TMTC3: variants seen among roughly 807,000 people sequenced by gnomAD.
The protein encoded by TMTC3 is transmembrane O-mannosyltransferase targeting cadherins 3.
Under a neutral mutation model 92.2 loss-of-function variants are expected in TMTC3, and 52 were observed. That is an observed-to-expected ratio of 0.56 (90% CI 0.45 to 0.71). The LOEUF is 0.71. TMTC3 is among the 30% of genes least tolerant of loss of function. The pLI is 0.00. For synonymous variants in TMTC3, 339 were observed against 363.3 expected (o/e 0.93, Z 0.76); for missense variants, 896 against 1,057.1 (o/e 0.85, Z 2.11).
At chr12:88,148,579 C>T (rs1424093370) in intron 2 of TMTC3, 75 bp downstream of exon 2, 13 of 1,099,646 alleles carry the variant, frequency 1.2e-5, no homozygotes, top group Admixed American at 2.6e-5. Flanking sequence ...ACTTCTAATT[C>T]TTTATCAACA....
chr12:88,179,751 A>G (rs1354140281), intron 10 of TMTC3, among the ~76,000 whole-genome samples: 1 of 152,106 alleles, frequency 6.6e-6, no homozygotes, highest in Non-Finnish European at 1.5e-5. Context: ...TTTATTTAAT[A>G]CAGATTTAAT....
intron 9 of TMTC3, 102 bp downstream of exon 9, chr12:88,174,829 C>A: frequency 7.3e-7 from 1 of 1,376,626 alleles, no homozygotes; most frequent in Non-Finnish European, 1.0e-6. Context: ...ATTTAACAGT[C>A]AATATTAAGT....
At position 88,153,515 on chromosome 12, in the gene TMTC3, TA is replaced by T; in HGVS notation, c.408+10del. ...ACCCAATACACACAGAAGCAGTAAG[TA>T]AAACTATGAACTGACTTTTTTTCTT... On this transcript the variant is annotated splice_region_variant and intron_variant, in intron 3 of 13. Transcript: ENST00000266712. 6.5e-7 allele frequency: 1 copy of T among 1,546,796 alleles called. No individual in the cohort carries two copies.
intron 10 of TMTC3, among the ~76,000 whole-genome samples, chr12:88,182,657 G>T (rs892234498): frequency 1.3e-5 from 2 of 152,268 alleles, no homozygotes; most frequent in African/African-American, 4.8e-5. Flanking sequence ...AAACTTAAAA[G>T]TACTGGCTCC....
chr12:88,167,669 T>C (rs573276805), intron 7 of TMTC3, among the ~76,000 whole-genome samples: 27 of 152,328 alleles, frequency 1.8e-4, no homozygotes, highest in African/African-American at 6.5e-4. Context: ...ACTTACATTC[T>C]AGAGAAATTT....
chr12:88,191,057 A>T lies in TMTC3; in HGVS notation c.1706+435A>T, dbSNP rs564660031. On this transcript the variant is annotated intron_variant, in intron 12 of 13. Coordinates refer to ENST00000266712, the MANE Select transcript of TMTC3 (RefSeq NM_181783.4). ...AAACATCTTGGTTCTCAGCAAAAAA[A>T]AAAGTTTTCTGGCACCACATGTTAA... 4.2e-3 allele frequency among the ~76,000 whole-genome samples: 647 copies of T among 152,314 alleles called. 3 individuals are homozygous for T. Among genetic ancestry groups the T allele is most frequent in the African/African-American group, 0.015 (625 of 41,574 alleles).
At position 88,174,478 on chromosome 12, in the gene TMTC3, T is replaced by A. The variant is rs1029413748; in HGVS notation, c.1200-129T>A. ...CTCTAAAGTTGGGTGTTCATTAGAA[T>A]GAATTAGAATAAATTAACATATGAT... On this transcript the variant is annotated intron_variant, in intron 8 of 13. Coordinates refer to ENST00000266712, the MANE Select transcript of TMTC3 (RefSeq NM_181783.4). 1.6e-5 allele frequency: 17 copies of A among 1,095,098 alleles called. No homozygotes were observed. In the African/African-American group the frequency reaches 2.4e-4, roughly 15 times the overall value. The allele number at this position is 1,095,098 out of a possible 1,614,324, so 67.8% of individuals were successfully genotyped here.
At chr12:88,146,611 G>GTATATATA (rs1555231456) in intron 1 of TMTC3, among the ~76,000 whole-genome samples, 29 of 147,908 alleles carry the variant, frequency 2.0e-4, no homozygotes, top group East Asian at 4.0e-4. Context: ...GTGTGTGTGT[G>GTATATATA]TATATATATA....
At chr12:88,169,136 G>T (rs2041177081) in intron 7 of TMTC3, among the ~76,000 whole-genome samples, 1 of 152,228 alleles carries the variant, frequency 6.6e-6, no homozygotes, top group African/African-American at 2.4e-5. Context: ...AAGCAGTCAA[G>T]AAGAGTGGAA....
chr12:88,179,752 C>G (rs1302330947), intron 10 of TMTC3, among the ~76,000 whole-genome samples: 1 of 152,026 alleles, frequency 6.6e-6, no homozygotes, highest in Non-Finnish European at 1.5e-5. Context: ...TTATTTAATA[C>G]AGATTTAATG....
rs1317116368 is a variant in TMTC3 at position 88,196,293 on chromosome 12, CAT to C, written c.*645_*646del. 1 of 152,430 alleles carries C rather than the reference CAT, an allele frequency of 6.6e-6. No individual in the cohort carries two copies. Among genetic ancestry groups the C allele is most frequent in the Non-Finnish European group, 1.5e-5 (1 of 67,926 alleles). The allele number at this position is 152,430 out of a possible 1,614,324, so 9.4% of individuals were successfully genotyped here. ...ATTTTTAATCAGGTAAAGTTTGACA[CAT>C]GTATAGCTACATACACACATTTTTA... On this transcript the variant is annotated 3_prime_UTR_variant, in exon 14 of 14. Coordinates refer to ENST00000266712, the MANE Select transcript of TMTC3 (RefSeq NM_181783.4).
At chr12:88,184,987 G>T (rs1283141178) in intron 10 of TMTC3, among the ~76,000 whole-genome samples, 2 of 152,194 alleles carry the variant, frequency 1.3e-5, no homozygotes, top group Non-Finnish European at 2.9e-5. Flanking sequence ...GCAGAAAACA[G>T]TGAAGAAAAG....
intron 6 of TMTC3, 58 bp from the exon 7 acceptor site, chr12:88,166,272 A>G (rs1390762655): frequency 2.0e-6 from 3 of 1,491,932 alleles, no homozygotes; most frequent in East Asian, 4.8e-5. Context: ...TTACTTATGT[A>G]AATAATTCTG....
At chr12:88,172,164 A>T (rs1183839509) in intron 7 of TMTC3, among the ~76,000 whole-genome samples, 3 of 152,082 alleles carry the variant, frequency 2.0e-5, no homozygotes, top group Admixed American at 2.0e-4. Flanking sequence ...ATTTACATTT[A>T]TTAAAGTTTT....
intron 7 of TMTC3, among the ~76,000 whole-genome samples, chr12:88,171,088 C>T (rs2041200038): frequency 6.6e-6 from 1 of 152,108 alleles, no homozygotes; most frequent in Non-Finnish European, 1.5e-5. Flanking sequence ...TGCTAAGGTA[C>T]AGTAGTCTGC....
intron 10 of TMTC3, among the ~76,000 whole-genome samples, chr12:88,181,999 G>T (rs1565955387): frequency 6.6e-6 from 1 of 152,236 alleles, no homozygotes; most frequent in Non-Finnish European, 1.5e-5. Context: ...TGCATAATTA[G>T]AGAGTGCTAT....
chr12:88,168,764 G>A (rs888512337), intron 7 of TMTC3, among the ~76,000 whole-genome samples: 1 of 152,174 alleles, frequency 6.6e-6, no homozygotes. Context: ...GGTATGTAAC[G>A]AATAGGGAAG....
At chr12:88,185,238 C>T (rs1296032338) in intron 10 of TMTC3, among the ~76,000 whole-genome samples, 1 of 152,176 alleles carries the variant, frequency 6.6e-6, no homozygotes, top group Non-Finnish European at 1.5e-5. Context: ...CCTCTTACCC[C>T]TTTTCACCCC....
chr12:88,148,294 T>G lies in TMTC3; in HGVS notation c.-22T>G. 6.3e-7 allele frequency: 1 copy of G among 1,577,204 alleles called. No individual in the cohort carries two copies. The highest frequency in any genetic ancestry group is 8.6e-7 in the Non-Finnish European group (1 of 1,161,346). ...TTCATGATTTTTTTTCCAGTTTTTGTCCAGAAGTGCTTATAGAAAAGATGG... is the reference window on the plus strand; with the variant it reads ...TTCATGATTTTTTTTCCAGTTTTTGGCCAGAAGTGCTTATAGAAAAGATGG... On this transcript the variant is annotated 5_prime_UTR_variant, in exon 2 of 14. Transcript: ENST00000266712.
Sources: allele counts gnomAD v4.1 joint callset (sites outside exome capture counted in the v4.1 genomes callset), GRCh38; gene constraint gnomAD v4.1.1; transcripts MANE v1.5; gene names NCBI Gene and HGNC (gene_info 2026-07-23, HGNC 2026-07-21).